Variants in IL5 observed in about 807,000 individuals in gnomAD.
IL5 encodes interleukin 5.
IL5 carries 12 observed loss-of-function variants against 16.3 expected under a neutral mutation model. The ratio of observed to expected loss-of-function variants is 0.74; its 90% CI spans 0.47 to 1.20. The LOEUF (loss-of-function observed/expected upper bound fraction) is 1.20. Ranked by LOEUF, IL5 falls within the 50% of genes most tolerant of loss-of-function variation. The probability of loss-of-function intolerance (pLI) is 0.00; values close to 1 mark genes in which losing one functional copy is unlikely to be tolerated. For synonymous variants in IL5, 54 were observed against 56.6 expected (o/e 0.95, Z 0.21); for missense variants, 159 against 153.9 (o/e 1.03, Z -0.17).
intron 3 of IL5, 43 bp downstream of exon 3, chr5:132,541,972 A>G (rs771146850): frequency 1.2e-6 from 2 of 1,613,068 alleles, no homozygotes; most frequent in Non-Finnish European, 1.7e-6. Flanking sequence ...AGAAATAGGC[A>G]CAGCCAGACA....
chr5:132,545,354 TA>T (rs1156923927), upstream of IL5, among the ~76,000 whole-genome samples: 1 of 152,172 alleles, frequency 6.6e-6, no homozygotes, highest in Non-Finnish European at 1.5e-5. Context: ...TCTGAGTGCT[TA>T]AATTCTATCA....
chr5:132,549,466 G>A (rs1749848433), intron 1 of IL5, among the ~76,000 whole-genome samples: 1 of 152,206 alleles, frequency 6.6e-6, no homozygotes, highest in South Asian at 2.1e-4. Context: ...TACAGAGACG[G>A]AGGCAATGTG....
In IL5 at chr5:132,541,771, TCTC is replaced by T. The variant is rs747163706; in HGVS notation, c.*37_*39del. The T allele has an allele frequency of 6.0e-6, 8 of 1,341,652 alleles. No individual in the cohort carries two copies. The highest frequency in any genetic ancestry group is 2.9e-5 in the African/African-American group (2 of 69,028). The allele number at this position is 1,341,652 out of a possible 1,614,324, so 83.1% of individuals were successfully genotyped here. A position where few individuals can be genotyped will look rare whatever the true frequency, so the allele number is the denominator to read the frequency against. On this transcript the variant is annotated 3_prime_UTR_variant, in exon 4 of 4. Coordinates refer to ENST00000231454, the MANE Select transcript of IL5 (RefSeq NM_000879.3). ...CATTCTCACTGCAGTAAAATGTCCT[TCTC>T]CTCCAAAATCTTTGGCTGCAACAAA...
chr5:132,544,089 A>G (rs1354046010), upstream of IL5, among the ~76,000 whole-genome samples: 1 of 152,200 alleles, frequency 6.6e-6, no homozygotes, highest in African/African-American at 2.4e-5. Flanking sequence ...GAGGGAAGGT[A>G]TTGGCTCATA....
intron 1 of IL5, among the ~76,000 whole-genome samples, chr5:132,554,289 C>T (rs887953597): frequency 6.8e-6 from 1 of 146,358 alleles, no homozygotes; most frequent in African/African-American, 2.5e-5. Context: ...ATCACTTGAA[C>T]GCGGGAGGTG....
rs201297950 is a variant in IL5, at chr5:132,543,381, G to A, written c.98C>T (p.Thr33Ile). Reference protein sequence around the residue: ...EIPTSALVKETLALLSTHRTL... With the variant: ...EIPTSALVKEILALLSTHRTL... ...TCGATGAGTAGAAAGCAGTGCCAAG[G>A]TCTCTTTCACCAATGCACTTGTGGG... Residue 33 changes from threonine (T) to isoleucine (I), a missense_variant, in exon 1 of 4, where the codon ACC (threonine) becomes ATC (isoleucine). Coordinates refer to ENST00000231454, the MANE Select transcript of IL5 (RefSeq NM_000879.3). 1 of 1,614,194 alleles carries A rather than the reference G, an allele frequency of 6.2e-7. No homozygotes were observed. Among genetic ancestry groups the A allele is most frequent in the South Asian group, 1.1e-5 (1 of 91,084 alleles).
At chr5:132,548,374 A>C (rs992286444), upstream of IL5, among the ~76,000 whole-genome samples, 2 of 152,180 alleles carry the variant, frequency 1.3e-5, no homozygotes, top group Non-Finnish European at 2.9e-5. Flanking sequence ...CCTATTGTAG[A>C]CAGTAAAATA....
At chr5:132,546,550 C>T (rs184207141), upstream of IL5, among the ~76,000 whole-genome samples, 5 of 152,244 alleles carry the variant, frequency 3.3e-5, no homozygotes, top group East Asian at 3.9e-4. Flanking sequence ...CATGGTCTGT[C>T]GATGGACACC....
intron 1 of IL5, among the ~76,000 whole-genome samples, chr5:132,551,705 A>G (rs533860958): frequency 6.6e-6 from 1 of 152,328 alleles, no homozygotes; most frequent in African/African-American, 2.4e-5. Flanking sequence ...GCTTTTATGA[A>G]TCTTTCTTAA....
At chr5:132,554,525 T>TA (rs1202313841) in intron 1 of IL5, among the ~76,000 whole-genome samples, 1 of 152,056 alleles carries the variant, frequency 6.6e-6, no homozygotes, top group African/African-American at 2.4e-5. Flanking sequence ...ATGGCTACCA[T>TA]AAAAAAACAT....
intron 1 of IL5, among the ~76,000 whole-genome samples, chr5:132,555,330 A>G (rs542982194): frequency 1.4e-4 from 21 of 152,364 alleles, no homozygotes; most frequent in African/African-American, 4.6e-4. Context: ...TATATGAGGT[A>G]CTTAGTAAAA....
intron 1 of IL5, among the ~76,000 whole-genome samples, chr5:132,550,076 T>G (rs1444682351): frequency 6.6e-6 from 1 of 152,180 alleles, no homozygotes; most frequent in East Asian, 1.9e-4. Context: ...TACAATTTCC[T>G]ACTTATTATT....
At chr5:132,548,799 T>C (rs1379694455) in intron 1 of IL5, among the ~76,000 whole-genome samples, 2 of 152,230 alleles carry the variant, frequency 1.3e-5, no homozygotes, top group African/African-American at 4.8e-5. Flanking sequence ...GTTATCTTAC[T>C]TGTTTTTATG....
chr5:132,554,892 G>GT (rs553765713), intron 1 of IL5, among the ~76,000 whole-genome samples: 28 of 152,262 alleles, frequency 1.8e-4, no homozygotes, highest in African/African-American at 6.5e-4. Flanking sequence ...TGCTACAGTG[G>GT]TCCCCAACCT....
rs769576892 is a variant in IL5 at position 132,543,450 on chromosome 5, A to G, written c.29T>C (p.Leu10Pro). ...ATACACGTAGGCAGCTCCAAGAGCTAGCAAACTCAAATGCAGAAGCATCCT... is the reference window on the plus strand; with the variant it reads ...ATACACGTAGGCAGCTCCAAGAGCTGGCAAACTCAAATGCAGAAGCATCCT... MRMLLHLSLLALGAAYVYAI... is the reference protein window; with the variant it reads MRMLLHLSLPALGAAYVYAI... Residue 10 changes from leucine (L) to proline (P), a missense_variant, in exon 1 of 4, where the codon CTA becomes CCA. Leu to Pro is a moderately conservative substitution (Grantham distance 98, BLOSUM62 -3). Transcript: ENST00000231454. 1.9e-6 allele frequency: 3 copies of G among 1,614,096 alleles called. No homozygotes were observed. The highest frequency in any genetic ancestry group is 8.5e-7 in the Non-Finnish European group (1 of 1,179,952).
chr5:132,556,133 AG>A (rs1184329146), intron 1 of IL5: 1 of 152,238 alleles, frequency 6.6e-6, no homozygotes, highest in Non-Finnish European at 1.5e-5. Flanking sequence ...TTTCCAAGGC[AG>A]GCAGAGGCAA....
chr5:132,554,434 T>A (rs1230792630), intron 1 of IL5, among the ~76,000 whole-genome samples: 2 of 142,844 alleles, frequency 1.4e-5, no homozygotes, highest in African/African-American at 5.2e-5. Flanking sequence ...AAATGGCCAA[T>A]AAACACATGA....
chr5:132,551,998 G>A (rs555173228), intron 1 of IL5, among the ~76,000 whole-genome samples: 6 of 152,294 alleles, frequency 3.9e-5, no homozygotes, highest in African/African-American at 9.6e-5. Context: ...GAGGTTCTCA[G>A]GCTGGGCGCA....
At chr5:132,553,833 A>G (rs1052854355) in intron 1 of IL5, among the ~76,000 whole-genome samples, 1 of 150,332 alleles carries the variant, frequency 6.7e-6, no homozygotes, top group Non-Finnish European at 1.5e-5. Flanking sequence ...TACAGTCCTC[A>G]GAGGCTGAGG....
Sources: allele counts gnomAD v4.1 joint callset (sites outside exome capture counted in the v4.1 genomes callset), GRCh38; gene constraint gnomAD v4.1.1; transcripts MANE v1.5; gene names NCBI Gene and HGNC (gene_info 2026-07-23, HGNC 2026-07-21).